URGCP: variants seen among roughly 807,000 people sequenced by gnomAD.
URGCP encodes the protein up-regulator of cell proliferation.
Under a neutral mutation model 24.6 loss-of-function variants are expected in URGCP, and 13 were observed. The ratio of observed to expected loss-of-function variants is 0.53; its 90% CI spans 0.34 to 0.84. The LOEUF is 0.84. URGCP is among the 40% of genes least tolerant of loss of function. URGCP has a pLI of 0.01. For synonymous variants in URGCP, 444 were observed against 487.2 expected (o/e 0.91, Z 1.17); for missense variants, 899 against 1,194.3 (o/e 0.75, Z 3.64).
chr7:43,885,743 G>A (rs1293228503), intron 3 of URGCP, among the ~76,000 whole-genome samples: 1 of 152,138 alleles, frequency 6.6e-6, no homozygotes, highest in Non-Finnish European at 1.5e-5. Flanking sequence ...TTTCTCATTT[G>A]TCTAGAACAA....
At chr7:43,886,523 C>T (rs1048332455) in intron 3 of URGCP, among the ~76,000 whole-genome samples, 6 of 152,230 alleles carry the variant, frequency 3.9e-5, no homozygotes, top group African/African-American at 7.2e-5. Flanking sequence ...GAGGCTGAGG[C>T]GGGTGGATCA....
At chr7:43,907,278 A>C (rs1331294093), upstream of URGCP, among the ~76,000 whole-genome samples, 1 of 152,134 alleles carries the variant, frequency 6.6e-6, no homozygotes, top group Non-Finnish European at 1.5e-5. Flanking sequence ...TCTAAGTGAA[A>C]ATGCTTAATA....
chr7:43,902,433 G>A (rs1373822009), intron 1 of URGCP, among the ~76,000 whole-genome samples: 1 of 152,098 alleles, frequency 6.6e-6, no homozygotes, highest in Middle Eastern at 3.2e-3. Context: ...TTCTGTGTCC[G>A]AGCTCCTCCC....
chr7:43,915,840 C>T (rs2095914859), intron 1 of URGCP, among the ~76,000 whole-genome samples: 1 of 152,172 alleles, frequency 6.6e-6, no homozygotes, highest in Admixed American at 6.5e-5. Context: ...GAAACCCCGT[C>T]TCTACTAAAA....
In URGCP at chr7:43,919,919, G is replaced by A. The variant is rs114209565; in HGVS notation, c.-116+6213C>T. The A allele has an allele frequency of 5.5e-3, 7,291 of 1,316,768 alleles. 333 individuals carry two copies. In the African/African-American group the frequency reaches 0.092, roughly 17 times the overall value. 81.6% of individuals were successfully genotyped at this position (1,316,768 alleles called of 1,614,324 possible). Reference sequence around the variant, plus strand: ...GGAAGTGGGAGGCCTTCCTGGAGCCGTTCCGCAAGGAGGACATGTTCAAGG... The same window carrying A: ...GGAAGTGGGAGGCCTTCCTGGAGCCATTCCGCAAGGAGGACATGTTCAAGG... On this transcript the variant is annotated intron_variant, in intron 1 of 5. Transcript: ENST00000426198.
intron 1 of URGCP, among the ~76,000 whole-genome samples, chr7:43,893,026 C>T (rs1428382408): frequency 2.0e-5 from 3 of 151,774 alleles, no homozygotes; most frequent in Admixed American, 6.6e-5. Flanking sequence ...CCTATCTCTA[C>T]AAAAAAATAA....
intron 1 of URGCP, among the ~76,000 whole-genome samples, chr7:43,898,840 G>GT (rs1165724995): frequency 7.1e-6 from 1 of 140,374 alleles, no homozygotes; most frequent in East Asian, 2.0e-4. Context: ...AGAGGAAAGA[G>GT]TTAAAAAAAA....
intron 1 of URGCP, among the ~76,000 whole-genome samples, chr7:43,892,028 G>A (rs2095871531): frequency 6.6e-6 from 1 of 152,008 alleles, no homozygotes; most frequent in Admixed American, 6.6e-5. Flanking sequence ...GATCAGGCCT[G>A]CCTTGGCCTC....
intron 1 of URGCP, among the ~76,000 whole-genome samples, chr7:43,916,895 T>C (rs2095916233): frequency 6.6e-6 from 1 of 152,108 alleles, no homozygotes; most frequent in African/African-American, 2.4e-5. Context: ...GCTCCCCTCT[T>C]TCTAGATGAG....
chr7:43,883,362 A>ATATATTTT (rs1554289259), intron 3 of URGCP, among the ~76,000 whole-genome samples: 10 of 88,324 alleles, frequency 1.1e-4, no homozygotes, highest in African/African-American at 1.7e-4. Context: ...ATATATATAT[A>ATATATTTT]TTTTTTTTTT....
chr7:43,919,517 C>T, intron 1 of URGCP: 2 of 1,285,086 alleles, frequency 1.6e-6, no homozygotes, highest in Non-Finnish European at 1.1e-6. Context: ...TGACTGGCTA[C>T]ACCCAGCTGA....
In URGCP at chr7:43,878,762, C is replaced by A; in HGVS notation, c.701G>T (p.Gly234Val). 1 of 1,614,020 alleles carries A rather than the reference C, an allele frequency of 6.2e-7. No individual in the cohort carries two copies. The highest frequency in any genetic ancestry group is 8.5e-7 in the Non-Finnish European group (1 of 1,179,960). The part of the protein sequence containing the change: ...YHTFLLWAMR[G>V]IVRTWWSQPP... ...CTGGGACCACCATGTCCTCACAATG[C>A]CCCGCATGGCCCACAGCAGAAATGT... is the stretch of plus-strand genomic sequence containing the variant. The change falls in exon 6 of 6, where the codon GGC becomes GTC. Residue 234 changes from glycine to valine, a missense_variant. Coordinates refer to ENST00000453200, the MANE Select transcript of URGCP (RefSeq NM_001077663.3). This position sits in a 1 kb window ranked among gnomAD's most constrained non-coding sequence, Gnocchi z 5.6.
upstream of URGCP, among the ~76,000 whole-genome samples, chr7:43,909,011 C>T (rs1279966033): frequency 2.0e-5 from 3 of 152,116 alleles, no homozygotes; most frequent in Admixed American, 2.0e-4. Flanking sequence ...AATATTGCTA[C>T]CAGTATTTCA....
intron 1 of URGCP, among the ~76,000 whole-genome samples, chr7:43,914,843 G>A (rs186641971): frequency 6.6e-6 from 1 of 152,172 alleles, no homozygotes; most frequent in African/African-American, 2.4e-5. Flanking sequence ...ACTACTGATA[G>A]AGATAGGAGA....
chr7:43,904,025 G>A (rs1458205621), intron 1 of URGCP, among the ~76,000 whole-genome samples: 2 of 152,198 alleles, frequency 1.3e-5, no homozygotes, highest in African/African-American at 2.4e-5. Context: ...GAGGGGAGAT[G>A]GCAGCATGAG....
At chr7:43,916,721 C>CCCG (rs2095915997) in intron 1 of URGCP, among the ~76,000 whole-genome samples, 1 of 133,722 alleles carries the variant, frequency 7.5e-6, no homozygotes, top group Non-Finnish European at 1.6e-5. Context: ...ACCCCCCCCC[C>CCCG]CCACATAACA....
intron 1 of URGCP, among the ~76,000 whole-genome samples, chr7:43,904,457 C>T (rs936640337): frequency 3.9e-5 from 6 of 152,314 alleles, no homozygotes; most frequent in Admixed American, 3.9e-4. Context: ...CTTCCCATCC[C>T]TGCCCTTTAT....
At chr7:43,905,762 A>G (rs1228740445) in intron 1 of URGCP, 1 of 152,226 alleles carries the variant, frequency 6.6e-6, no homozygotes, top group East Asian at 1.9e-4. Context: ...TTGTAAAATG[A>G]AAGTGTTGGA....
upstream of URGCP, among the ~76,000 whole-genome samples, chr7:43,910,421 GA>G (rs1170367459): frequency 2.6e-4 from 29 of 110,506 alleles, no homozygotes; most frequent in South Asian, 9.3e-3. Context: ...GTAGAGACAG[GA>G]TTTCCCCATG....
Sources: allele counts gnomAD v4.1 joint callset (sites outside exome capture counted in the v4.1 genomes callset), GRCh38; gene constraint gnomAD v4.1.1; non-coding constraint Gnocchi (gnomAD v3.1); transcripts MANE v1.5; gene names NCBI Gene and HGNC (gene_info 2026-07-23, HGNC 2026-07-21).